Variants in ACSS2 observed in about 807,000 individuals in gnomAD.
The protein encoded by ACSS2 is acyl-CoA synthetase short chain family member 2.
ACSS2 carries 58 observed loss-of-function variants against 90.6 expected under a neutral mutation model. That is an observed-to-expected ratio of 0.64 (90% CI 0.52 to 0.80). The LOEUF is 0.80. Among genes scored for constraint, ACSS2 ranks in the 30% least tolerant of loss-of-function variants. ACSS2 has a pLI of 0.00. For missense variants in ACSS2, 759 were observed against 912.0 expected (o/e 0.83, Z 2.16); for synonymous variants, 300 against 330.9 (o/e 0.91, Z 1.01).
At chr20:34,896,563 T>A (rs1419219608) in intron 2 of ACSS2, among the ~76,000 whole-genome samples, 1 of 152,250 alleles carries the variant, frequency 6.6e-6, no homozygotes, top group African/African-American at 2.4e-5. Flanking sequence ...ATTCATTCTT[T>A]TATCTATTCA....
In ACSS2 at chr20:34,921,335, G is replaced by T; in HGVS notation, c.1283G>T (p.Ser428Ile). The T allele has an allele frequency of 6.2e-7, 1 of 1,614,178 alleles. No individual in the cohort carries two copies. The highest frequency in any genetic ancestry group is 8.5e-7 in the Non-Finnish European group (1 of 1,180,034). The change falls in exon 11 of 18, where the codon AGC becomes ATC. Residue 428 changes from serine (S) to isoleucine (I), a missense_variant. Transcript: ENST00000360596. ...KFGDEPVTKHSRASLQVLGTV... is the reference protein window; with the variant it reads ...KFGDEPVTKHIRASLQVLGTV... ...CTCCCATTCCCCTGCCCCAGGCATA[G>T]CCGGGCATCCTTGCAGGTGTTAGGC...
At chr20:34,921,281 T>TACTCAGTAGTA in intron 10 of ACSS2, 49 bp from the exon 11 acceptor site, 1 of 1,611,242 alleles carries the variant, frequency 6.2e-7, no homozygotes, top group Non-Finnish European at 8.5e-7. Context: ...GGTATGTGTG[T>TACTCAGTAGTA]CTTCCAGTAG....
intron 4 of ACSS2, 66 bp from the exon 5 acceptor site, chr20:34,913,687 C>A (rs1348659417): frequency 6.8e-7 from 1 of 1,479,816 alleles, no homozygotes; most frequent in African/African-American, 1.4e-5. Context: ...CATGAGCAAC[C>A]CCTTTCTTCA....
chr20:34,887,906 A>G (rs1601294427), intron 2 of ACSS2, among the ~76,000 whole-genome samples: 2 of 151,254 alleles, frequency 1.3e-5, no homozygotes, highest in African/African-American at 2.4e-5. Flanking sequence ...CCCCATCTCT[A>G]CTAAAAATAC....
chr20:34,915,069 T>C (rs1601358620), intron 7 of ACSS2: 1 of 799,928 alleles, frequency 1.3e-6, no homozygotes, highest in Admixed American at 2.1e-5. Context: ...GTTTTACATA[T>C]ATAGGGGCTG....
intron 1 of ACSS2, among the ~76,000 whole-genome samples, chr20:34,878,051 A>G (rs2079971589): frequency 6.6e-6 from 1 of 152,116 alleles, no homozygotes; most frequent in Admixed American, 6.5e-5. Context: ...TTTCCGCTTC[A>G]GCCTCCTGGG....
chr20:34,923,302 TG>T lies in ACSS2; in HGVS notation c.1549-20del, dbSNP rs780039962. ...GAGACAGCATAGCAAATGTGATCAC[TG>T]TCCCTTCCTCACTCCCCAGGTGTTC... On this transcript the variant is annotated intron_variant, in intron 13 of 17. Coordinates refer to ENST00000360596, the MANE Select transcript of ACSS2 (RefSeq NM_018677.4). 1.3e-6 allele frequency: 2 copies of T among 1,554,400 alleles called. No individual in the cohort carries two copies. The highest frequency in any genetic ancestry group is 8.9e-7 in the Non-Finnish European group (1 of 1,125,722).
At chr20:34,899,689 A>G (rs1383162799) in intron 2 of ACSS2, among the ~76,000 whole-genome samples, 2 of 151,556 alleles carry the variant, frequency 1.3e-5, no homozygotes, top group South Asian at 2.1e-4. Flanking sequence ...GGGTTTCACC[A>G]TGTTGGCCAG....
rs202174911 is a variant in ACSS2, at chr20:34,901,899, T to C, written c.375-11197T>C. On this transcript the variant is annotated intron_variant, in intron 2 of 17. Transcript: ENST00000360596. ...ACTCTTTGAGAAACACTGGTCTTGC[T>C]TGGTCCCCAGCCATATTGTGGAGGC... Among the ~76,000 whole-genome samples the C allele has an allele frequency of 7.2e-5, 11 of 152,348 alleles. No homozygotes were observed. The East Asian group carries it at 2.1e-3, about 29-fold the overall frequency.
upstream of ACSS2, chr20:34,876,410 C>T: frequency 5.0e-6 from 2 of 397,316 alleles, no homozygotes; most frequent in Non-Finnish European, 8.7e-6. Flanking sequence ...CAAGTCAGCT[C>T]CACCCCTATC....
At chr20:34,896,972 G>T (rs2080477865) in intron 2 of ACSS2, among the ~76,000 whole-genome samples, 1 of 151,968 alleles carries the variant, frequency 6.6e-6, no homozygotes, top group Admixed American at 6.6e-5. Flanking sequence ...GGAGGTTGCA[G>T]TGAGCCGAGA....
Position 34,927,079 on chromosome 20 carries a change from T to G in ACSS2, c.1979-8T>G. The stretch of plus-strand genomic sequence containing the variant: ...TCACCAAGTAACTAGAGGTCTGTGG[T>G]TCCCCAGGGAAAATCATGAGGCGAG... On this transcript the variant is annotated splice_region_variant and splice_polypyrimidine_tract_variant and intron_variant, in intron 17 of 17. Coordinates refer to ENST00000360596, the MANE Select transcript of ACSS2 (RefSeq NM_018677.4). This position sits in a 1 kb window ranked among gnomAD's most constrained non-coding sequence, Gnocchi z 4.2. 1 of 1,614,028 alleles carries G rather than the reference T, an allele frequency of 6.2e-7. No individual in the cohort carries two copies. Among genetic ancestry groups the G allele is most frequent in the Non-Finnish European group, 8.5e-7 (1 of 1,179,980 alleles).
intron 2 of ACSS2, among the ~76,000 whole-genome samples, chr20:34,900,953 A>G (rs2080642296): frequency 6.6e-6 from 1 of 152,196 alleles, no homozygotes; most frequent in Non-Finnish European, 1.5e-5. Flanking sequence ...TGAACTAGAC[A>G]TTTAGACTCA....
At chr20:34,912,839 C>T (rs1291361197) in intron 2 of ACSS2, among the ~76,000 whole-genome samples, 1 of 152,214 alleles carries the variant, frequency 6.6e-6, no homozygotes, top group Non-Finnish European at 1.5e-5. Flanking sequence ...GCCGTCACTC[C>T]ATTTCATCAA....
chr20:34,902,752 G>A (rs2080697198), intron 2 of ACSS2, among the ~76,000 whole-genome samples: 1 of 151,930 alleles, frequency 6.6e-6, no homozygotes, highest in Admixed American at 6.6e-5. Context: ...TTGAGACAAG[G>A]TCTGGCTCTA....
intron 7 of ACSS2, chr20:34,915,263 A>G: frequency 6.2e-7 from 1 of 1,613,752 alleles, no homozygotes; most frequent in South Asian, 1.1e-5. Flanking sequence ...CCAGGTATCC[A>G]TTTCTGCACT....
chr20:34,899,580 C>G (rs1243712494), intron 2 of ACSS2, among the ~76,000 whole-genome samples: 1 of 151,606 alleles, frequency 6.6e-6, no homozygotes, highest in Admixed American at 6.6e-5. Flanking sequence ...ACCTCCGCCT[C>G]CCGGGTTCAA....
intron 12 of ACSS2, 90 bp from the exon 13 acceptor site, chr20:34,921,696 G>T: frequency 3.7e-6 from 6 of 1,609,664 alleles, no homozygotes; most frequent in Non-Finnish European, 5.1e-6. Flanking sequence ...ACTGACATGT[G>T]TGAAGAATTT....
At position 34,920,642 on chromosome 20, in the gene ACSS2, T is replaced by C; in HGVS notation, c.1076T>C (p.Ile359Thr). ...GATGTGTTCTGGTGCACGGCAGACATTGGTTGGATCACTGGTCATTCCTAC... is the reference window on the plus strand; with the variant it reads ...GATGTGTTCTGGTGCACGGCAGACACTGGTTGGATCACTGGTCATTCCTAC... ...AEDVFWCTAD[I>T]GWITGHSYVT... Residue 359 changes from isoleucine (I) to threonine (T), a missense_variant, in exon 9 of 18, where the codon ATT becomes ACT. Coordinates refer to ENST00000360596, the MANE Select transcript of ACSS2 (RefSeq NM_018677.4). 6.2e-7 allele frequency: 1 copy of C among 1,614,096 alleles called. No homozygotes were observed. Among genetic ancestry groups the C allele is most frequent in the Non-Finnish European group, 8.5e-7 (1 of 1,179,990 alleles).
Sources: allele counts gnomAD v4.1 joint callset (sites outside exome capture counted in the v4.1 genomes callset), GRCh38; gene constraint gnomAD v4.1.1; non-coding constraint Gnocchi (gnomAD v3.1); transcripts MANE v1.5; gene names NCBI Gene and HGNC (gene_info 2026-07-23, HGNC 2026-07-21).